CRYM: variants seen among roughly 807,000 people sequenced by gnomAD.
CRYM encodes the protein crystallin mu.
Under a neutral mutation model 32.9 loss-of-function variants are expected in CRYM, and 18 were observed. That is an observed-to-expected ratio of 0.55 (90% CI 0.38 to 0.81). The LOEUF is 0.81. CRYM is among the 30% of genes least tolerant of loss of function. The pLI is 0.00. For synonymous variants in CRYM, 153 were observed against 152.4 expected, an observed-to-expected ratio of 1.00 and a Z score of -0.03; for missense variants, 337 against 393.5, an observed-to-expected ratio of 0.86 and a Z score of 1.21.
intron 1 of CRYM, among the ~76,000 whole-genome samples, chr16:21,300,166 T>C (rs938233225): frequency 7.9e-5 from 12 of 152,274 alleles, no homozygotes; most frequent in Non-Finnish European, 1.6e-4. Flanking sequence ...ATCCGACTAT[T>C]AGTCCATGTC....
intron 5 of CRYM, among the ~76,000 whole-genome samples, chr16:21,265,704 G>C (rs2093362586): frequency 6.6e-6 from 1 of 152,190 alleles, no homozygotes; most frequent in African/African-American, 2.4e-5. Context: ...CTTGGCTCTC[G>C]CCGGCTCATC....
rs367602330 is a variant in CRYM, at chr16:21,284,353, A to G, written c.-192-5393T>C. ...AAATAACATAAATTTCACCTTTTTTACCCTTCAAAGTGCACAGTTCCCTGA... is the reference window on the plus strand; with the variant it reads ...AAATAACATAAATTTCACCTTTTTTGCCCTTCAAAGTGCACAGTTCCCTGA... On this transcript the variant is annotated intron_variant, in intron 1 of 9. Coordinates refer to the CRYM transcript ENST00000219599. Among the ~76,000 whole-genome samples, 38 of 152,016 alleles carry G rather than the reference A, an allele frequency of 2.5e-4. No homozygotes were observed. The East Asian group carries it at 5.8e-3, about 23-fold the overall frequency.
intron 1 of CRYM, among the ~76,000 whole-genome samples, chr16:21,302,363 T>C (rs1286259615): frequency 6.6e-6 from 1 of 152,216 alleles, no homozygotes; most frequent in Admixed American, 6.5e-5. Context: ...ACATGTTAAG[T>C]GTTCCATAAA....
At chr16:21,270,568 G>A (rs938212195) in intron 3 of CRYM, among the ~76,000 whole-genome samples, 7 of 152,138 alleles carry the variant, frequency 4.6e-5, no homozygotes, top group Non-Finnish European at 8.8e-5. Context: ...ACAGACGTGA[G>A]CCACCGCACC....
intron 1 of CRYM, among the ~76,000 whole-genome samples, chr16:21,297,422 CAT>C (rs1960811513): frequency 6.6e-6 from 1 of 152,044 alleles, no homozygotes; most frequent in East Asian, 1.9e-4. Flanking sequence ...CACAAAGACT[CAT>C]GAACACAAGG....
chr16:21,290,200 A>G (rs900087651), intron 1 of CRYM, among the ~76,000 whole-genome samples: 8 of 152,162 alleles, frequency 5.3e-5, no homozygotes, highest in Non-Finnish European at 7.3e-5. Flanking sequence ...TGCTGTTCAC[A>G]ATAAGTCTTG....
chr16:21,258,920 A>G (rs2093349297), intron 7 of CRYM, 75 bp from the exon 8 acceptor site: 1 of 1,203,642 alleles, frequency 8.3e-7, no homozygotes, highest in Admixed American at 1.7e-5. Context: ...CCATGGCTGG[A>G]AGTTTCCTGA....
chr16:21,275,490 T>C, intron 3 of CRYM, 42 bp downstream of exon 3: 1 of 1,581,200 alleles, frequency 6.3e-7, no homozygotes, highest in South Asian at 1.1e-5. Flanking sequence ...CAGACCCCAC[T>C]TGACAGCTCA....
At chr16:21,278,648 G>C (rs2093392607), upstream of CRYM, 1 of 261,852 alleles carries the variant, frequency 3.8e-6, no homozygotes, top group African/African-American at 2.3e-5. Context: ...AGAATGGACA[G>C]GGAAAACGCT....
chr16:21,271,084 C>T (rs2093374511), intron 3 of CRYM, among the ~76,000 whole-genome samples: 1 of 152,190 alleles, frequency 6.6e-6, no homozygotes, highest in African/African-American at 2.4e-5. Flanking sequence ...GCTTCTCAAC[C>T]TCGGTACTAC....
chr16:21,259,802 C>T (rs760890499), intron 7 of CRYM, among the ~76,000 whole-genome samples: 1 of 152,120 alleles, frequency 6.6e-6, no homozygotes, highest in Non-Finnish European at 1.5e-5. Flanking sequence ...ACCTCTGCAC[C>T]CAGCACAGAT....
chr16:21,292,992 A>G (rs1567241395), intron 1 of CRYM, among the ~76,000 whole-genome samples: 1 of 152,008 alleles, frequency 6.6e-6, no homozygotes, highest in Non-Finnish European at 1.5e-5. Context: ...GAACGGATGG[A>G]TGGATGAATG....
At position 21,291,599 on chromosome 16, in the gene CRYM, ATATTG is replaced by A. The variant is rs530715692; in HGVS notation, c.-193+11374_-193+11378del. 4.5e-3 allele frequency among the ~76,000 whole-genome samples: 680 copies of A among 152,268 alleles called. 5 individuals carry two copies. Among genetic ancestry groups the A allele is most frequent in the African/African-American group, 0.016 (647 of 41,578 alleles). On this transcript the variant is annotated intron_variant, in intron 1 of 9. Coordinates refer to the CRYM transcript ENST00000219599. Reference sequence around the variant, plus strand: ...GAAAGAATCTCTGTGATTAGTATCTATATTGTATTATACATTAATCTCAATAGAGG... The same window carrying A: ...GAAAGAATCTCTGTGATTAGTATCTATATTATACATTAATCTCAATAGAGG...
At chr16:21,260,651 G>C (rs2093352753) in intron 7 of CRYM, among the ~76,000 whole-genome samples, 1 of 152,196 alleles carries the variant, frequency 6.6e-6, no homozygotes, top group Admixed American at 6.5e-5. Flanking sequence ...AAGAGGACCT[G>C]GGGCAAGGGA....
chr16:21,289,306 C>A (rs960051168), intron 1 of CRYM, among the ~76,000 whole-genome samples: 1 of 152,110 alleles, frequency 6.6e-6, no homozygotes, highest in Admixed American at 6.5e-5. Flanking sequence ...CATGAATTAA[C>A]CCATTTAATA....
upstream of CRYM, among the ~76,000 whole-genome samples, chr16:21,281,871 T>G (rs76590924): frequency 0.018 from 2,689 of 152,344 alleles, 48 homozygotes; most frequent in Non-Finnish European, 0.026. Context: ...ATTCATAGCT[T>G]CTTCTCTCAC....
rs111895031 is a variant in CRYM, at chr16:21,264,695, G to C, written c.674-2537C>G. On this transcript the variant is annotated intron_variant, in intron 5 of 7. Coordinates refer to ENST00000572914, the MANE Select transcript of CRYM (RefSeq NM_001376256.1). ...GCCAGGAAAACAGAAGAGATGCCTT[G>C]ACTCAAAATCAAGTCAGCCCTTCCT... Among the ~76,000 whole-genome samples, 6 of 152,330 alleles carry C rather than the reference G, an allele frequency of 3.9e-5. 1 individual carries two copies. The highest frequency in any genetic ancestry group is 5.9e-5 in the Non-Finnish European group (4 of 68,030).
At chr16:21,272,091 G>A (rs1210271292) in intron 3 of CRYM, among the ~76,000 whole-genome samples, 7 of 149,950 alleles carry the variant, frequency 4.7e-5, no homozygotes, top group African/African-American at 1.7e-4. Flanking sequence ...TCGAACTCCT[G>A]ACCTCAAGTG....
chr16:21,300,314 G>A (rs1960880247), intron 1 of CRYM: 3 of 152,064 alleles, frequency 2.0e-5, no homozygotes, highest in Admixed American at 1.3e-4. Context: ...TGAGTTGGGG[G>A]CTGAAGGGGA....
Sources: allele counts gnomAD v4.1 joint callset (sites outside exome capture counted in the v4.1 genomes callset), GRCh38; gene constraint gnomAD v4.1.1; transcripts MANE v1.5; gene names NCBI Gene and HGNC (gene_info 2026-07-23, HGNC 2026-07-21).